CACNA2D1: variants seen among roughly 807,000 people sequenced by gnomAD.
CACNA2D1 encodes the protein voltage-dependent calcium channel subunit alpha-2/delta-1.
CACNA2D1 carries 53 observed loss-of-function variants against 171.5 expected under a neutral mutation model. That is an observed-to-expected ratio of 0.31 (90% CI 0.25 to 0.39). CACNA2D1 has a LOEUF of 0.39. Ranked by LOEUF, CACNA2D1 falls within the 10% of genes least tolerant of loss-of-function variation. CACNA2D1 has a pLI of 1.00. For synonymous variants in CACNA2D1, 442 were observed against 443.1 expected, an observed-to-expected ratio of 1.00 and a Z score of 0.03; for missense variants, 903 against 1,299.8, an observed-to-expected ratio of 0.69 and a Z score of 4.69.
intron 3 of CACNA2D1, among the ~76,000 whole-genome samples, chr7:82,290,037 G>A (rs1036717018): frequency 2.0e-5 from 3 of 152,210 alleles, no homozygotes; most frequent in Non-Finnish European, 4.4e-5. Context: ...TTAAAGCAGA[G>A]AGAGGCTAGA....
intron 17 of CACNA2D1, 127 bp downstream of exon 17, chr7:82,005,638 C>G (rs1484923167): frequency 1.1e-6 from 1 of 884,186 alleles, no homozygotes. Context: ...TTTAGAGATG[C>G]TTTTAACCAT....
At chr7:82,206,642 T>G (rs1350443145) in intron 3 of CACNA2D1, among the ~76,000 whole-genome samples, 1 of 152,148 alleles carries the variant, frequency 6.6e-6, no homozygotes, top group Admixed American at 6.6e-5. Flanking sequence ...TTATCTTTTT[T>G]CTAGGTCTCA....
At chr7:82,142,306 T>A (rs1469018552) in intron 4 of CACNA2D1, among the ~76,000 whole-genome samples, 1 of 152,176 alleles carries the variant, frequency 6.6e-6, no homozygotes, top group Non-Finnish European at 1.5e-5. Flanking sequence ...ATTTCAAACA[T>A]CCCCTAGCAA....
intron 1 of CACNA2D1, among the ~76,000 whole-genome samples, chr7:82,432,217 G>C (rs915710814): frequency 6.6e-6 from 1 of 152,104 alleles, no homozygotes; most frequent in African/African-American, 2.4e-5. Context: ...ATATCTATGG[G>C]AGAGAAAAAA....
intron 1 of CACNA2D1, among the ~76,000 whole-genome samples, chr7:82,376,664 T>C (rs1823049420): frequency 6.6e-6 from 1 of 152,182 alleles, no homozygotes; most frequent in South Asian, 2.1e-4. Flanking sequence ...TGTGTATGTA[T>C]AGAATTTCCA....
chr7:82,160,017 A>G (rs1349974643), intron 4 of CACNA2D1, among the ~76,000 whole-genome samples: 3 of 151,346 alleles, frequency 2.0e-5, no homozygotes, highest in African/African-American at 7.3e-5. Context: ...AATAAGATGT[A>G]CAAGATGTAT....
At chr7:81,963,482 C>T (rs1186664427) in intron 34 of CACNA2D1, among the ~76,000 whole-genome samples, 29 of 151,830 alleles carry the variant, frequency 1.9e-4, no homozygotes, top group Admixed American at 1.9e-3. Flanking sequence ...CCACAATTGA[C>T]CATTTAAATG....
chr7:82,130,769 T>G (rs1218446008), intron 5 of CACNA2D1, among the ~76,000 whole-genome samples: 2 of 149,246 alleles, frequency 1.3e-5, no homozygotes, highest in African/African-American at 4.9e-5. Flanking sequence ...TTAGTGCTTG[T>G]TTTTTTTGTT....
At chr7:81,995,853 C>T (rs1342760601) in intron 19 of CACNA2D1, among the ~76,000 whole-genome samples, 6 of 150,986 alleles carry the variant, frequency 4.0e-5, no homozygotes, top group East Asian at 3.9e-4. Flanking sequence ...ATATTCCAGT[C>T]GACTGGCAAT....
chr7:82,232,813 G>A (rs1023604648), intron 3 of CACNA2D1, among the ~76,000 whole-genome samples: 1 of 133,034 alleles, frequency 7.5e-6, no homozygotes, highest in Non-Finnish European at 1.5e-5. Flanking sequence ...GCAGTGAGCT[G>A]AGACCGCGCC....
At chr7:82,429,340 A>T (rs1163096463) in intron 1 of CACNA2D1, among the ~76,000 whole-genome samples, 1 of 152,076 alleles carries the variant, frequency 6.6e-6, no homozygotes, top group Non-Finnish European at 1.5e-5. Context: ...TGTGTATGTG[A>T]CTGATGTATG....
intron 4 of CACNA2D1, among the ~76,000 whole-genome samples, chr7:82,164,030 G>A (rs1454208057): frequency 1.3e-5 from 2 of 151,916 alleles, no homozygotes; most frequent in African/African-American, 2.4e-5. Flanking sequence ...ACAGCAAGTT[G>A]TTGGCAGACC....
intron 1 of CACNA2D1, among the ~76,000 whole-genome samples, chr7:82,436,599 G>A (rs2368029): frequency 0.18 from 27,485 of 151,978 alleles, 3,369 homozygotes; most frequent in African/African-American, 0.34. Flanking sequence ...AGCTCATATG[G>A]GAAATGAAGA....
At chr7:82,293,445 T>C (rs1811904145) in intron 3 of CACNA2D1, among the ~76,000 whole-genome samples, 1 of 152,196 alleles carries the variant, frequency 6.6e-6, no homozygotes, top group African/African-American at 2.4e-5. Context: ...TGCTAACAGG[T>C]AAGTAGGGTG....
chr7:82,230,701 T>C (rs551962033), intron 3 of CACNA2D1, among the ~76,000 whole-genome samples: 1 of 152,296 alleles, frequency 6.6e-6, no homozygotes, highest in African/African-American at 2.4e-5. Context: ...AAAACCAACA[T>C]TGCAGATATT....
chr7:82,211,274 G>T (rs1200477115), intron 3 of CACNA2D1, among the ~76,000 whole-genome samples: 2 of 152,018 alleles, frequency 1.3e-5, no homozygotes, highest in African/African-American at 4.8e-5. Context: ...ATTACATGTT[G>T]CGGGGGTTTG....
At chr7:82,105,340 T>A (rs1321888641) in intron 6 of CACNA2D1, among the ~76,000 whole-genome samples, 2 of 149,324 alleles carry the variant, frequency 1.3e-5, no homozygotes, top group Non-Finnish European at 3.0e-5. Context: ...TACCCTTCTA[T>A]CACAAATGAG....
intron 3 of CACNA2D1, among the ~76,000 whole-genome samples, chr7:82,322,395 C>T (rs918333197): frequency 6.8e-6 from 1 of 146,768 alleles, no homozygotes; most frequent in Non-Finnish European, 1.5e-5. Context: ...TGGGAGGATC[C>T]CCTGAAGTCA....
chr7:82,150,539 T>TATATTCA lies in CACNA2D1; in HGVS notation c.355-13864_355-13863insTGAATAT, dbSNP rs1563123672. The stretch of plus-strand genomic sequence containing the variant: ...TCTATCTTGAAAGGTCAAGTTAAGG[T>TATATTCA]GTATTCATTTATTCCTGAAAAGTAA... On this transcript the variant is annotated intron_variant, in intron 4 of 38. Coordinates refer to ENST00000356860, the MANE Select transcript of CACNA2D1 (RefSeq NM_000722.4). Among the ~76,000 whole-genome samples the TATATTCA allele has an allele frequency of 6.6e-5, 10 of 152,126 alleles. No homozygotes were observed. In the East Asian group the frequency reaches 1.7e-3, roughly 27 times the overall value.
Sources: gnomAD v4.1 joint callset for allele counts (sites outside exome capture counted in the v4.1 genomes callset) on GRCh38, gnomAD v4.1.1 for gene constraint, MANE v1.5 for transcripts, NCBI Gene and HGNC (gene_info 2026-07-23, HGNC 2026-07-21) for gene names.